Variants in ECE1 observed in about 807,000 individuals in gnomAD.
ECE1 encodes endothelin converting enzyme 1.
In ECE1, 35 loss-of-function variants were observed where a neutral mutation model predicts 98.6. The observed-to-expected ratio is 0.35, with a 90% CI of 0.27 to 0.47. The LOEUF (loss-of-function observed/expected upper bound fraction) is 0.47. Among genes scored for constraint, ECE1 ranks in the 20% least tolerant of loss-of-function variants. The pLI, the probability that ECE1 is intolerant of heterozygous loss-of-function variation, is 1.00. For missense variants in ECE1, 814 were observed against 1,025.3 expected (o/e 0.79, Z 2.81); for synonymous variants, 394 against 407.1 (o/e 0.97, Z 0.39).
chr1:21,268,593 G>A (rs555463103), intron 4 of ECE1, among the ~76,000 whole-genome samples: 15 of 152,310 alleles, frequency 9.8e-5, no homozygotes, highest in African/African-American at 3.4e-4. Context: ...TTGCCGGATC[G>A]GCTGACACAA....
chr1:21,238,683 TGGAGGCAAAGAGC>T, intron 10 of ECE1, among the ~76,000 whole-genome samples: 1 of 152,294 alleles, frequency 6.6e-6, no homozygotes. Flanking sequence ...GCAGGAGTCC[TGGAGGCAAAGAGC>T]GGTGGAGAGT....
rs2745246 is a variant in ECE1, at chr1:21,322,263, A to T, written c.3+23113T>A. 0.22 allele frequency among the ~76,000 whole-genome samples: 33,064 copies of T among 151,828 alleles called. 3,983 individuals carry two copies. Among genetic ancestry groups the T allele is most frequent in the African/African-American group, 0.29 (11,874 of 41,364 alleles). On this transcript the variant is annotated intron_variant, in intron 1 of 18. Coordinates refer to the ECE1 transcript ENST00000415912. The surrounding 1 kb of genome is among the most constrained non-coding windows in gnomAD (Gnocchi z 4.1). ...TGTGGATAAAACCAGGAGACCCCAC[A>T]CCCCACCTGAGCCCGGAGTGCAGCT... is the stretch of plus-strand genomic sequence containing the variant.
chr1:21,256,314 G>A (rs1045067480), intron 7 of ECE1, among the ~76,000 whole-genome samples, 176 bp from the exon 8 acceptor site: 7 of 152,126 alleles, frequency 4.6e-5, no homozygotes, highest in African/African-American at 1.7e-4. Flanking sequence ...CTGGCACTTT[G>A]GGAGGCTGAG....
chr1:21,290,664 AC>A (rs1270826300), upstream of ECE1, among the ~76,000 whole-genome samples: 2 of 152,222 alleles, frequency 1.3e-5, no homozygotes, highest in Admixed American at 6.5e-5. This position sits in a 1 kb window ranked among gnomAD's most constrained non-coding sequence, Gnocchi z 7.3. Context: ...CCTCACAGTG[AC>A]CCCTCCTTCG....
chr1:21,260,853 T>C lies in ECE1; in HGVS notation c.494-461A>G, dbSNP rs577383941. 6.6e-6 allele frequency among the ~76,000 whole-genome samples: 1 copy of C among 152,328 alleles called. No individual in the cohort carries two copies. The highest frequency in any genetic ancestry group is 1.9e-4 in the East Asian group (1 of 5,184). On this transcript the variant is annotated intron_variant, in intron 4 of 18. Coordinates refer to ENST00000374893, the MANE Select transcript of ECE1 (RefSeq NM_001397.3). The surrounding 1 kb of genome is among the most constrained non-coding windows in gnomAD (Gnocchi z 4.3). Reference sequence around the variant, plus strand: ...ACTCAAAAGGCTCATTCATTATGAATTTACTTTTTGCTTCCTCCTTGGAGG... The same window carrying C: ...ACTCAAAAGGCTCATTCATTATGAACTTACTTTTTGCTTCCTCCTTGGAGG...
intron 1 of ECE1, among the ~76,000 whole-genome samples, chr1:21,315,929 C>T (rs1638822526): frequency 2.0e-5 from 3 of 152,088 alleles, no homozygotes; most frequent in South Asian, 2.1e-4. Context: ...ACCTGGGTAC[C>T]GGCTGTAGGA....
chr1:21,268,873 A>G (rs2103314799), intron 4 of ECE1, among the ~76,000 whole-genome samples: 1 of 152,348 alleles, frequency 6.6e-6, no homozygotes, highest in East Asian at 1.9e-4. Context: ...CATGTATCAA[A>G]GTCCCAGGTA....
intron 3 of ECE1, among the ~76,000 whole-genome samples, chr1:21,277,495 C>T (rs1181897152): frequency 6.6e-6 from 1 of 152,118 alleles, no homozygotes; most frequent in Non-Finnish European, 1.5e-5. Flanking sequence ...AGAACTAGAG[C>T]TGATTTAGGC....
intron 8 of ECE1, among the ~76,000 whole-genome samples, chr1:21,250,964 G>A (rs1264024983): frequency 1.4e-5 from 2 of 144,570 alleles, no homozygotes; most frequent in Non-Finnish European, 3.2e-5. Flanking sequence ...CGGGGATCGC[G>A]CCACTGCACT....
chr1:21,296,426 T>C (rs952993432), intron 1 of ECE1, among the ~76,000 whole-genome samples: 1 of 152,072 alleles, frequency 6.6e-6, no homozygotes, highest in African/African-American at 2.4e-5. Flanking sequence ...GGTGGAAGGA[T>C]TGCTTGAGCC....
chr1:21,259,079 C>T (rs1384713212), intron 5 of ECE1, among the ~76,000 whole-genome samples: 7 of 152,146 alleles, frequency 4.6e-5, no homozygotes, highest in Non-Finnish European at 4.4e-5. Flanking sequence ...AATCCAGCCG[C>T]TCCCTGGGTG....
intron 1 of ECE1, among the ~76,000 whole-genome samples, chr1:21,311,805 C>T (rs1276187041): frequency 1.3e-5 from 2 of 150,474 alleles, no homozygotes. Flanking sequence ...GAGTGAAATC[C>T]TGTCTCAAAA....
intron 2 of ECE1, among the ~76,000 whole-genome samples, chr1:21,280,996 C>A (rs2098253818): frequency 6.6e-6 from 1 of 152,180 alleles, no homozygotes; most frequent in South Asian, 2.1e-4. Context: ...CAAGACCAGC[C>A]TGGCCAACAT....
In ECE1 at chr1:21,340,709, C is replaced by T. The variant is rs372845679; in HGVS notation, c.3+4667G>A. On this transcript the variant is annotated intron_variant, in intron 1 of 18. Transcript: ENST00000415912. This position sits in a 1 kb window ranked among gnomAD's most constrained non-coding sequence, Gnocchi z 4.6. ...TACAGAAGTTAGTCGCATGGTGGCACGCCTGTAATCCCAGCTACTCGGGAG... is the reference window on the plus strand; with the variant it reads ...TACAGAAGTTAGTCGCATGGTGGCATGCCTGTAATCCCAGCTACTCGGGAG... 6.6e-6 allele frequency among the ~76,000 whole-genome samples: 1 copy of T among 152,204 alleles called. No individual in the cohort carries two copies. The highest frequency in any genetic ancestry group is 2.1e-4 in the South Asian group (1 of 4,824).
At position 21,327,077 on chromosome 1, in the gene ECE1, A is replaced by AC. The variant is rs1639095698; in HGVS notation, c.3+18298dup. On this transcript the variant is annotated intron_variant, in intron 1 of 18. Coordinates refer to the ECE1 transcript ENST00000415912. This position sits in a 1 kb window ranked among gnomAD's most constrained non-coding sequence, Gnocchi z 4.6. ...ATGGAAAGAATTTGGAGGTCACAGC[A>AC]CTGCCCTCCCTGTAGATGCTTCAAA... is the stretch of plus-strand genomic sequence containing the variant. Among the ~76,000 whole-genome samples, 1 of 152,148 alleles carries AC rather than the reference A, an allele frequency of 6.6e-6. No homozygotes were observed. Among genetic ancestry groups the AC allele is most frequent in the Non-Finnish European group, 1.5e-5 (1 of 68,020 alleles).
At chr1:21,240,990 A>T (rs2098195428) in intron 10 of ECE1, among the ~76,000 whole-genome samples, 1 of 152,248 alleles carries the variant, frequency 6.6e-6, no homozygotes, top group Admixed American at 6.5e-5. Context: ...ATGAATCAAC[A>T]GTGAGCCTGT....
Position 21,233,671 on chromosome 1 carries a change from A to G in ECE1, c.1567-10T>C. 5.0e-6 allele frequency: 8 copies of G among 1,612,998 alleles called. No homozygotes were observed. Among genetic ancestry groups the G allele is most frequent in the Non-Finnish European group, 5.9e-6 (7 of 1,179,174 alleles). On this transcript the variant is annotated splice_polypyrimidine_tract_variant and intron_variant, in intron 13 of 18. Coordinates refer to ENST00000374893, the MANE Select transcript of ECE1 (RefSeq NM_001397.3). This position sits in a 1 kb window ranked among gnomAD's most constrained non-coding sequence, Gnocchi z 4.0. ...CTGGAACTGCAGTGTACTAGAAAAG[A>G]AGAAGTGGAGTCAATCACAGTGTGC... is the stretch of plus-strand genomic sequence containing the variant.
At chr1:21,264,319 C>A (rs1023839788) in intron 4 of ECE1, among the ~76,000 whole-genome samples, 4 of 143,636 alleles carry the variant, frequency 2.8e-5, no homozygotes, top group Non-Finnish European at 6.1e-5. Context: ...TCCCCCCCCC[C>A]CTTTTTTTTT....
chr1:21,345,107 A>AC lies in ECE1; in HGVS notation c.3+268dup, dbSNP rs915279056. 3 of 249,874 alleles carry AC rather than the reference A, an allele frequency of 1.2e-5. No homozygotes were observed. The highest frequency in any genetic ancestry group is 1.5e-5 in the Non-Finnish European group (2 of 137,436). The allele number at this position is 249,874 out of a possible 1,614,324, so 15.5% of individuals were successfully genotyped here. ...CAACCGTCCCCAAAGCGAACCGGGG[A>AC]CCCCGAGCCCCCCACATCCGGCTGG... On this transcript the variant is annotated intron_variant, in intron 1 of 18. Transcript: ENST00000415912. The surrounding 1 kb of genome is among the most constrained non-coding windows in gnomAD (Gnocchi z 5.1).
Sources: allele counts gnomAD v4.1 joint callset (sites outside exome capture counted in the v4.1 genomes callset), GRCh38; gene constraint gnomAD v4.1.1; non-coding constraint Gnocchi (gnomAD v3.1); transcripts MANE v1.5; gene names NCBI Gene and HGNC (gene_info 2026-07-23, HGNC 2026-07-21).